NSD2: variants seen among roughly 807,000 people sequenced by gnomAD.
The protein encoded by NSD2 is nuclear receptor binding SET domain protein 2.
Under a neutral mutation model 139.0 loss-of-function variants are expected in NSD2, and 12 were observed. The observed-to-expected ratio is 0.09, with a 90% CI of 0.06 to 0.14. The LOEUF (loss-of-function observed/expected upper bound fraction) is 0.14, where lower values mean the gene tolerates loss of function less well. Among genes scored for constraint, NSD2 ranks in the 10% least tolerant of loss-of-function variants. The pLI is 1.00. For missense variants in NSD2, 1,155 were observed against 1,745.0 expected (o/e 0.66, Z 6.02); for synonymous variants, 669 against 648.7 (o/e 1.03, Z -0.48).
intron 6 of NSD2, among the ~76,000 whole-genome samples, chr4:1,933,037 T>C (rs1281437592): frequency 3.3e-5 from 5 of 152,200 alleles, no homozygotes; most frequent in Non-Finnish European, 7.3e-5. Context: ...TGCCGAGCAT[T>C]CCACGGGCTT....
chr4:1,968,488 T>C (rs1305777534), intron 18 of NSD2, among the ~76,000 whole-genome samples: 1 of 152,130 alleles, frequency 6.6e-6, no homozygotes, highest in African/African-American at 2.4e-5. Flanking sequence ...GACGTCTACA[T>C]GGGAAACTGC....
chr4:1,961,279 A>T, intron 18 of NSD2, 128 bp downstream of exon 18: 1 of 748,274 alleles, frequency 1.3e-6, no homozygotes, highest in Non-Finnish European at 2.2e-6. Context: ...ATTTTCAAAC[A>T]TCTGCACATT....
rs17803236 is a variant in NSD2, at chr4:1,874,653, A to G, written c.-30+3111A>G. On this transcript the variant is annotated intron_variant, in intron 1 of 21. Coordinates refer to ENST00000508803, the MANE Select transcript of NSD2 (RefSeq NM_001042424.3). ...GAAAGGAAATGGCTTGGCTAAGGTC[A>G]CTCTGAAACATTGCAAGTATATAAG... Among the ~76,000 whole-genome samples the G allele has an allele frequency of 8.3e-3, 1,271 of 152,318 alleles. 10 individuals carry two copies. Among genetic ancestry groups the G allele is most frequent in the Non-Finnish European group, 0.014 (949 of 68,032 alleles).
rs966662626 is a variant in NSD2 at position 1,967,527 on chromosome 4, G to A, written c.3372+6376G>A. Among the ~76,000 whole-genome samples the A allele has an allele frequency of 3.5e-4, 53 of 151,710 alleles. 2 individuals are homozygous for A. Among genetic ancestry groups the A allele is most frequent in the Non-Finnish European group, 2.9e-5 (2 of 67,976 alleles). On this transcript the variant is annotated intron_variant, in intron 18 of 21. Coordinates refer to ENST00000508803, the MANE Select transcript of NSD2 (RefSeq NM_001042424.3). ...TGGGAGGCAGAGGTTTCAGTGAGCC[G>A]AGATCATGCTGTTGCACTCCAGCCC...
In NSD2 at chr4:1,942,711, C is replaced by G; in HGVS notation, c.1881+2933C>G. On this transcript the variant is annotated intron_variant, in intron 9 of 21. Transcript: ENST00000508803. This position sits in a 1 kb window ranked among gnomAD's most constrained non-coding sequence, Gnocchi z 4.0. ...TCCAGAGCTGCAGCAGGGCTTTGCACGGAAGGGGTGGCCCTGTTAGAGTTG... is the reference window on the plus strand; with the variant it reads ...TCCAGAGCTGCAGCAGGGCTTTGCAGGGAAGGGGTGGCCCTGTTAGAGTTG... 3 of 1,100,666 alleles carry G rather than the reference C, an allele frequency of 2.7e-6. No individual in the cohort carries two copies. The highest frequency in any genetic ancestry group is 3.3e-6 in the Non-Finnish European group (3 of 900,988). 68.2% of individuals were successfully genotyped at this position (1,100,666 alleles called of 1,614,324 possible).
At chr4:1,937,568 T>C (rs1232159346) in intron 7 of NSD2, among the ~76,000 whole-genome samples, 1 of 152,228 alleles carries the variant, frequency 6.6e-6, no homozygotes, top group African/African-American at 2.4e-5. Context: ...TCTTCAGATT[T>C]GGGTTTTATA....
Position 1,956,121 on chromosome 4 carries a change from G to A in NSD2, c.2814G>A (p.Pro938=), listed in dbSNP as rs62287053. ...GGACGCATCAGGCGCGAGTGTTCCC[G>A]TACATGGAGGGGGACCGGGGCAGCC... ...YYWTHQARVF[P]YMEGDRGSRY... The change falls in exon 15 of 22, where the codon CCG becomes CCA. Residue 938 remains proline (P), a synonymous_variant. Coordinates refer to ENST00000508803, the MANE Select transcript of NSD2 (RefSeq NM_001042424.3). The surrounding 1 kb of genome is among the most constrained non-coding windows in gnomAD (Gnocchi z 5.3). The A allele has an allele frequency of 0.012, 18,875 of 1,613,876 alleles. 189 individuals are homozygous for A. Among genetic ancestry groups the A allele is most frequent in the Non-Finnish European group, 0.012 (13,718 of 1,180,018 alleles).
intron 1 of NSD2, among the ~76,000 whole-genome samples, chr4:1,872,601 AG>A (rs2108875351): frequency 8.2e-6 from 1 of 121,520 alleles, no homozygotes; most frequent in South Asian, 2.8e-4. Context: ...TGAGAGAGAG[AG>A]AGAGAGAGAG....
At chr4:1,873,053 A>G (rs867674638) in intron 1 of NSD2, among the ~76,000 whole-genome samples, 1 of 152,210 alleles carries the variant, frequency 6.6e-6, no homozygotes, top group African/African-American at 2.4e-5. Context: ...AAACTGCCAA[A>G]TGGAGATGAA....
At chr4:1,963,276 G>A (rs1725550073) in intron 18 of NSD2, among the ~76,000 whole-genome samples, 1 of 152,206 alleles carries the variant, frequency 6.6e-6, no homozygotes, top group East Asian at 1.9e-4. Flanking sequence ...GCAGGAGCTT[G>A]TGTTTTAACC....
At chr4:1,938,610 AG>A in intron 8 of NSD2, 78 bp downstream of exon 8, 1 of 1,230,932 alleles carries the variant, frequency 8.1e-7, no homozygotes, top group Non-Finnish European at 1.2e-6. Context: ...AGAGTGTGAA[AG>A]GGGAAGGCTG....
At chr4:1,879,072 A>C (rs1714511443) in intron 1 of NSD2, among the ~76,000 whole-genome samples, 1 of 152,156 alleles carries the variant, frequency 6.6e-6, no homozygotes, top group Non-Finnish European at 1.5e-5. Context: ...TACCTGCCTA[A>C]AAATGTGTCT....
At chr4:1,975,854 C>T (rs906199856) in intron 20 of NSD2, among the ~76,000 whole-genome samples, 6 of 152,164 alleles carry the variant, frequency 3.9e-5, no homozygotes, top group Non-Finnish European at 5.9e-5. Context: ...GCCCTGCTAC[C>T]GTGTGACCCC....
intron 9 of NSD2, chr4:1,946,395 G>T (rs908868074): frequency 4.6e-6 from 2 of 438,828 alleles, no homozygotes; most frequent in Non-Finnish European, 6.2e-6. Context: ...AGCCTCCCGA[G>T]TAGCTGGGAC....
intron 1 of NSD2, among the ~76,000 whole-genome samples, chr4:1,882,493 C>T (rs1714775281): frequency 6.6e-6 from 1 of 152,162 alleles, no homozygotes; most frequent in Non-Finnish European, 1.5e-5. Context: ...GAAACCCCGT[C>T]TCTACTAAAA....
chr4:1,911,460 C>A (rs544441421), intron 3 of NSD2, among the ~76,000 whole-genome samples: 1 of 151,636 alleles, frequency 6.6e-6, no homozygotes, highest in Admixed American at 6.6e-5. Context: ...TGGTCCCAGG[C>A]GCCTGTAATC....
Position 1,955,375 on chromosome 4 carries a change from C to G in NSD2, c.2518+35C>G, listed in dbSNP as rs576517415. The G allele has an allele frequency of 1.9e-6, 3 of 1,581,178 alleles. No homozygotes were observed. The highest frequency in any genetic ancestry group is 4.5e-5 in the East Asian group (2 of 43,988). Reference sequence around the variant, plus strand: ...CTGGGGGTGTCTGCGGCACACGCCTCTCACACTCCCAGGAGCCACATATCA... The same window carrying G: ...CTGGGGGTGTCTGCGGCACACGCCTGTCACACTCCCAGGAGCCACATATCA... On this transcript the variant is annotated intron_variant, in intron 13 of 21. Transcript: ENST00000508803. The surrounding 1 kb of genome is among the most constrained non-coding windows in gnomAD (Gnocchi z 4.7).
At chr4:1,940,478 A>G in intron 9 of NSD2, 1 of 1,064,264 alleles carries the variant, frequency 9.4e-7, no homozygotes, top group Non-Finnish European at 1.1e-6. Context: ...GCCAAAAACA[A>G]CAAATAGCCA....
At chr4:1,920,110 C>T (rs1032226967) in intron 5 of NSD2, among the ~76,000 whole-genome samples, 2 of 152,000 alleles carry the variant, frequency 1.3e-5, no homozygotes, top group African/African-American at 4.8e-5. Flanking sequence ...TTTTTTGTCC[C>T]TATATGGGAT....
Sources: gnomAD v4.1 joint callset for allele counts (sites outside exome capture counted in the v4.1 genomes callset) on GRCh38, gnomAD v4.1.1 for gene constraint, Gnocchi (gnomAD v3.1) non-coding constraint, MANE v1.5 for transcripts, NCBI Gene and HGNC (gene_info 2026-07-23, HGNC 2026-07-21) for gene names.